Variants in MPDZ observed in about 807,000 individuals in gnomAD.
MPDZ encodes multiple PDZ domain protein.
Under a neutral mutation model 239.1 loss-of-function variants are expected in MPDZ, and 234 were observed. The observed-to-expected ratio is 0.98, with a 90% CI of 0.88 to 1.09. The LOEUF is 1.09. Among genes scored for constraint, MPDZ ranks in the 50% least tolerant of loss-of-function variants. MPDZ has a pLI of 0.00. For synonymous variants in MPDZ, 1,048 were observed against 881.3 expected, an observed-to-expected ratio of 1.19 and a Z score of -3.35; for missense variants, 3,175 against 2,510.0, an observed-to-expected ratio of 1.26 and a Z score of -5.66.
chr9:13,243,655 T>G, intron 3 of MPDZ, among the ~76,000 whole-genome samples: 1 of 152,148 alleles, frequency 6.6e-6, no homozygotes, highest in East Asian at 1.9e-4. Flanking sequence ...TAATCAACAT[T>G]TAAGAGTAAT....
chr9:13,235,655 G>T (rs1400401372), intron 3 of MPDZ, among the ~76,000 whole-genome samples: 3 of 152,114 alleles, frequency 2.0e-5, no homozygotes, highest in Admixed American at 1.3e-4. Flanking sequence ...AAATTTAAAA[G>T]ATAAGGGTAT....
At chr9:13,174,402 G>A (rs1952191369) in intron 21 of MPDZ, among the ~76,000 whole-genome samples, 1 of 152,138 alleles carries the variant, frequency 6.6e-6, no homozygotes, top group Non-Finnish European at 1.5e-5. Context: ...ATAGTTCTCA[G>A]ATAGGCTTTG....
At chr9:13,190,860 C>T (rs1954822289) in intron 15 of MPDZ, among the ~76,000 whole-genome samples, 1 of 152,128 alleles carries the variant, frequency 6.6e-6, no homozygotes, top group Non-Finnish European at 1.5e-5. Flanking sequence ...ATTTGAATTA[C>T]ATTGAGCAAT....
intron 13 of MPDZ, among the ~76,000 whole-genome samples, chr9:13,193,713 G>C (rs963632469): frequency 6.6e-6 from 1 of 152,178 alleles, no homozygotes; most frequent in African/African-American, 2.4e-5. Flanking sequence ...GCTGTAACCA[G>C]AGACAACGGT....
Position 13,153,118 on chromosome 9 carries a change from G to A in MPDZ, c.3453-2430C>T, listed in dbSNP as rs1949404063. ...TAAGGAGTTCCTAGAGAAGAGGAAAGGTTGAAGTAAGGAATCCTGCAAAAT... is the reference window on the plus strand; with the variant it reads ...TAAGGAGTTCCTAGAGAAGAGGAAAAGTTGAAGTAAGGAATCCTGCAAAAT... On this transcript the variant is annotated intron_variant, in intron 24 of 46. Transcript: ENST00000319217. Among the ~76,000 whole-genome samples the A allele has an allele frequency of 2.0e-5, 3 of 152,116 alleles. No individual in the cohort carries two copies. The South Asian group carries it at 6.2e-4, about 32-fold the overall frequency.
intron 3 of MPDZ, among the ~76,000 whole-genome samples, chr9:13,227,679 G>A (rs955362326): frequency 6.6e-6 from 1 of 152,040 alleles, no homozygotes; most frequent in African/African-American, 2.4e-5. Context: ...AAGTGAGTGA[G>A]AGCAGAACAA....
At chr9:13,119,449 A>C in intron 39 of MPDZ, 53 bp downstream of exon 39, 2 of 1,559,520 alleles carry the variant, frequency 1.3e-6, no homozygotes, top group Non-Finnish European at 1.7e-6. Context: ...CAATGTTAAA[A>C]TTATCTTTTT....
At chr9:13,249,186 T>C (rs1967218115) in intron 2 of MPDZ, among the ~76,000 whole-genome samples, 1 of 150,556 alleles carries the variant, frequency 6.6e-6, no homozygotes, top group African/African-American at 2.4e-5. Flanking sequence ...TAAAAATAAA[T>C]GATAAAGATA....
At chr9:13,266,849 G>A (rs1421452694) in intron 1 of MPDZ, among the ~76,000 whole-genome samples, 1 of 152,154 alleles carries the variant, frequency 6.6e-6, no homozygotes, top group Non-Finnish European at 1.5e-5. Flanking sequence ...AGAGAAGGAG[G>A]AGGAAGGAAT....
chr9:13,114,672 C>T (rs550587567), intron 40 of MPDZ, among the ~76,000 whole-genome samples: 10 of 152,012 alleles, frequency 6.6e-5, no homozygotes, highest in African/African-American at 9.7e-5. Flanking sequence ...GAGGCTGAGG[C>T]GGGTGGATCA....
chr9:13,181,862 A>G (rs899152236), intron 19 of MPDZ, among the ~76,000 whole-genome samples: 5 of 152,158 alleles, frequency 3.3e-5, no homozygotes, highest in African/African-American at 9.7e-5. Context: ...CCATCAGGAG[A>G]TGAACTCAGC....
At chr9:13,138,325 T>C (rs1947145069) in intron 28 of MPDZ, among the ~76,000 whole-genome samples, 172 bp from the exon 29 acceptor site, 2 of 152,226 alleles carry the variant, frequency 1.3e-5, no homozygotes, top group African/African-American at 4.8e-5. Context: ...ACTGGTTTCC[T>C]GGAGGACCCA....
intron 22 of MPDZ, 86 bp from the exon 23 acceptor site, chr9:13,162,881 A>G: frequency 1.2e-6 from 1 of 854,498 alleles, no homozygotes; most frequent in Non-Finnish European, 1.9e-6. Context: ...AAGGAAACAA[A>G]TCATATTGTC....
chr9:13,151,214 T>C lies in MPDZ; in HGVS notation c.3453-526A>G, dbSNP rs2133066076. ...AACCCTTGTGTACTGTTGGTAGAAA[T>C]GTAAAATCGTGTAGCTGCTATGGAA... is the stretch of plus-strand genomic sequence containing the variant. On this transcript the variant is annotated intron_variant, in intron 24 of 46. Coordinates refer to ENST00000319217, the MANE Select transcript of MPDZ (RefSeq NM_001378778.1). Among the ~76,000 whole-genome samples the C allele has an allele frequency of 2.0e-5, 3 of 152,076 alleles. 1 individual carries two copies. In the South Asian group the frequency reaches 6.2e-4, roughly 32 times the overall value.
intron 19 of MPDZ, among the ~76,000 whole-genome samples, chr9:13,177,951 T>C (rs998782515): frequency 6.6e-6 from 1 of 152,146 alleles, no homozygotes; most frequent in Non-Finnish European, 1.5e-5. Context: ...ATTTCAATGG[T>C]TGGTCAAATG....
chr9:13,195,111 A>T (rs943897087), intron 13 of MPDZ, among the ~76,000 whole-genome samples: 1 of 152,030 alleles, frequency 6.6e-6, no homozygotes, highest in East Asian at 1.9e-4. Flanking sequence ...AACATGGCAA[A>T]ACCCAGTCTC....
rs770399719 is a variant in MPDZ, at chr9:13,190,240, C to T, written c.2028G>A (p.Ala676=). 6.4e-5 allele frequency: 103 copies of T among 1,612,266 alleles called. No individual in the cohort carries two copies. The highest frequency in any genetic ancestry group is 3.5e-4 in the Admixed American group (21 of 59,842). ...GSSETEDPVL[A]MTDAGQSTEE... ...CTGTACTCTGACCCGCATCAGTCAT[C>T]GCCAGCACTGGATCCTCTGTCTCTG... The change falls in exon 16 of 47, where the codon GCG becomes GCA. Residue 676 remains alanine (A), a synonymous_variant. Transcript: ENST00000319217.
intron 15 of MPDZ, among the ~76,000 whole-genome samples, chr9:13,191,263 AC>A (rs1264642085): frequency 3.3e-5 from 5 of 152,122 alleles, no homozygotes; most frequent in Non-Finnish European, 7.4e-5. Flanking sequence ...TGAATACTAA[AC>A]TATGCATTTT....
chr9:13,199,583 T>A (rs987937187), intron 12 of MPDZ, among the ~76,000 whole-genome samples: 1 of 152,052 alleles, frequency 6.6e-6, no homozygotes, highest in African/African-American at 2.4e-5. Context: ...TTGTTCCAGA[T>A]CTTAGAGAAA....
Sources: gnomAD v4.1 joint callset for allele counts (sites outside exome capture counted in the v4.1 genomes callset) on GRCh38, gnomAD v4.1.1 for gene constraint, MANE v1.5 for transcripts, NCBI Gene and HGNC (gene_info 2026-07-23, HGNC 2026-07-21) for gene names.